GNB4: variants seen among roughly 807,000 people sequenced by gnomAD.
GNB4 encodes the protein G protein subunit beta 4.
GNB4 carries 28 observed loss-of-function variants against 45.2 expected under a neutral mutation model. That is an observed-to-expected ratio of 0.62 (90% CI 0.46 to 0.85). The LOEUF is 0.85. GNB4 is among the 40% of genes least tolerant of loss of function. The pLI, the probability that GNB4 is intolerant of heterozygous loss-of-function variation, is 0.00. For missense variants in GNB4, 321 were observed against 425.4 expected (o/e 0.75, Z 2.16); for synonymous variants, 132 against 143.7 (o/e 0.92, Z 0.58).
At chr3:179,429,238 G>A (rs1715234265) in intron 1 of GNB4, among the ~76,000 whole-genome samples, 1 of 152,194 alleles carries the variant, frequency 6.6e-6, no homozygotes, top group Non-Finnish European at 1.5e-5. Context: ...TGTAAAAGGG[G>A]TAAAACCCCC....
At chr3:179,483,777 T>G in the GNB4 span, among the ~76,000 whole-genome samples, 1 of 152,232 alleles carries the variant, frequency 6.6e-6, no homozygotes. Context: ...AGATGGCTTA[T>G]TTCCATTTTG....
chr3:179,505,277 G>GAGA, the GNB4 span, among the ~76,000 whole-genome samples: 2 of 152,226 alleles, frequency 1.3e-5, no homozygotes, highest in Non-Finnish European at 2.9e-5. Flanking sequence ...CTATGGAAGA[G>GAGA]AGAAGGAGCT....
At chr3:179,418,062 G>A (rs1427457856) in intron 4 of GNB4, among the ~76,000 whole-genome samples, 4 of 152,128 alleles carry the variant, frequency 2.6e-5, no homozygotes, top group Admixed American at 6.6e-5. Context: ...TTCAGAAAAC[G>A]TTTAAGGAAA....
At chr3:179,413,391 C>T (rs1249372651) in intron 8 of GNB4, 21 bp downstream of exon 8, 5 of 1,592,448 alleles carry the variant, frequency 3.1e-6, no homozygotes, top group Non-Finnish European at 4.3e-6. Context: ...TAAATTTTCT[C>T]TAGAAATGCT....
At chr3:179,512,446 G>C in the GNB4 span, among the ~76,000 whole-genome samples, 7 of 152,142 alleles carry the variant, frequency 4.6e-5, no homozygotes, top group Non-Finnish European at 4.4e-5. Flanking sequence ...CATATGCATA[G>C]CTTTCTACTG....
chr3:179,447,828 G>A (rs1715775673), intron 1 of GNB4, among the ~76,000 whole-genome samples: 1 of 152,218 alleles, frequency 6.6e-6, no homozygotes, highest in Non-Finnish European at 1.5e-5. Flanking sequence ...GAGTGAAATG[G>A]GGAATTAGAA....
At chr3:179,417,971 T>C (rs114074960) in intron 4 of GNB4, among the ~76,000 whole-genome samples, 123 of 152,244 alleles carry the variant, frequency 8.1e-4, no homozygotes, top group African/African-American at 2.6e-3. Flanking sequence ...AAGTAATGGA[T>C]TGATAACACG....
chr3:179,444,175 A>ATC (rs1017716397), intron 1 of GNB4, among the ~76,000 whole-genome samples: 1 of 152,080 alleles, frequency 6.6e-6, no homozygotes. Context: ...ATACTAACCT[A>ATC]TCTCTATTTT....
chr3:179,420,389 C>T (rs1174281589), intron 3 of GNB4, among the ~76,000 whole-genome samples: 1 of 150,724 alleles, frequency 6.6e-6, no homozygotes, highest in Non-Finnish European at 1.5e-5. Flanking sequence ...ATCCTCCCAC[C>T]TCGGCCTCCC....
rs773776696 is a variant in GNB4, at chr3:179,419,390, G to A, written c.203+9C>T. ...AGTTTAAAAATGACAGGTAATGACA[G>A]GTACAAACCTGGAATCGTATCCCCA... On this transcript the variant is annotated intron_variant, in intron 4 of 9. Coordinates refer to ENST00000232564, the MANE Select transcript of GNB4 (RefSeq NM_021629.4). The A allele has an allele frequency of 6.1e-6, 9 of 1,473,508 alleles. No individual in the cohort carries two copies. Among genetic ancestry groups the A allele is most frequent in the Non-Finnish European group, 8.6e-6 (9 of 1,052,568 alleles). 91.3% of individuals were successfully genotyped at this position (1,473,508 alleles called of 1,614,324 possible).
chr3:179,420,952 A>AG, intron 2 of GNB4, 25 bp from the exon 3 acceptor site: 1 of 1,432,486 alleles, frequency 7.0e-7, no homozygotes, highest in Non-Finnish European at 9.8e-7. Context: ...TATGATTATA[A>AG]TGCATTTAGC....
chr3:179,480,530 C>A, the GNB4 span, among the ~76,000 whole-genome samples: 1 of 149,574 alleles, frequency 6.7e-6, no homozygotes, highest in African/African-American at 2.6e-5. Context: ...CTAGGAGGAT[C>A]CTGGAAATAA....
chr3:179,424,654 G>C (rs1264933040), intron 2 of GNB4, among the ~76,000 whole-genome samples: 1 of 152,110 alleles, frequency 6.6e-6, no homozygotes, highest in Non-Finnish European at 1.5e-5. Context: ...TGTCCAGTTA[G>C]AATGCAGTGG....
the GNB4 span, among the ~76,000 whole-genome samples, chr3:179,491,861 G>A: frequency 6.6e-6 from 1 of 152,322 alleles, no homozygotes; most frequent in African/African-American, 2.4e-5. Context: ...TATTCAAACA[G>A]CTAGGTATCA....
At chr3:179,514,872 A>G in the GNB4 span, among the ~76,000 whole-genome samples, 1 of 152,238 alleles carries the variant, frequency 6.6e-6, no homozygotes, top group Non-Finnish European at 1.5e-5. Flanking sequence ...GAAGACTAAT[A>G]CACAACTTAC....
chr3:179,523,744 G>C, the GNB4 span, among the ~76,000 whole-genome samples: 2 of 152,064 alleles, frequency 1.3e-5, no homozygotes, highest in Non-Finnish European at 2.9e-5. Context: ...TGGTTGCCAC[G>C]GAGGGAGTAG....
At chr3:179,424,799 G>A (rs763399456) in intron 2 of GNB4, among the ~76,000 whole-genome samples, 1 of 152,018 alleles carries the variant, frequency 6.6e-6, no homozygotes, top group African/African-American at 2.4e-5. Flanking sequence ...TTGTAGAGAC[G>A]GATCTCCCTA....
intron 1 of GNB4, among the ~76,000 whole-genome samples, chr3:179,439,367 C>A (rs1577039076): frequency 1.3e-5 from 2 of 152,160 alleles, no homozygotes; most frequent in South Asian, 4.1e-4. Context: ...GAAAATAAAT[C>A]TTGGAACCCC....
chr3:179,469,139 G>T, the GNB4 span, among the ~76,000 whole-genome samples: 1 of 152,158 alleles, frequency 6.6e-6, no homozygotes, highest in African/African-American at 2.4e-5. Flanking sequence ...AAACCAGTGC[G>T]CAGCTAACAC....
Sources: allele counts gnomAD v4.1 joint callset (sites outside exome capture counted in the v4.1 genomes callset), GRCh38; gene constraint gnomAD v4.1.1; transcripts MANE v1.5; gene names NCBI Gene and HGNC (gene_info 2026-07-23, HGNC 2026-07-21).